Variants in PVT1 observed in about 807,000 individuals in gnomAD.
The protein encoded by PVT1 is Pvt1 oncogene, also known as CXCR4/PVT1 fusion.
chr8:127,964,088 G>T (rs1360829283), intron 3 of PVT1, among the ~76,000 whole-genome samples: 2 of 152,200 alleles, frequency 1.3e-5, no homozygotes, highest in African/African-American at 4.8e-5. Flanking sequence ...CCATGACGAC[G>T]ATGACCCCCA....
chr8:127,814,244 G>A (rs1472394652), intron 2 of PVT1, among the ~76,000 whole-genome samples: 1 of 152,174 alleles, frequency 6.6e-6, no homozygotes, highest in African/African-American at 2.4e-5. Context: ...CAAGAAAAGA[G>A]CTTCTGGGTT....
chr8:128,011,518 C>T (rs1817314803), intron 4 of PVT1, among the ~76,000 whole-genome samples: 1 of 152,094 alleles, frequency 6.6e-6, no homozygotes, highest in African/African-American at 2.4e-5. Context: ...AAGGAGAGGG[C>T]CCTCATCAGA....
chr8:128,006,234 T>C (rs1817246592), intron 4 of PVT1, among the ~76,000 whole-genome samples: 1 of 151,986 alleles, frequency 6.6e-6, no homozygotes, highest in Admixed American at 6.6e-5. Flanking sequence ...TCTCGGAGTC[T>C]GTACCCTAGA....
chr8:127,900,152 C>T (rs1037816073), intron 3 of PVT1, among the ~76,000 whole-genome samples: 2 of 152,156 alleles, frequency 1.3e-5, no homozygotes, highest in African/African-American at 4.8e-5. Flanking sequence ...AGCGATTCTC[C>T]TGCCTCAGCC....
At chr8:128,028,473 A>G (rs1264868604) in intron 4 of PVT1, among the ~76,000 whole-genome samples, 2 of 152,226 alleles carry the variant, frequency 1.3e-5, no homozygotes, top group East Asian at 1.9e-4. Flanking sequence ...GAGAACTGGC[A>G]GCAGGAATAG....
At chr8:128,002,206 G>A (rs886258843) in intron 4 of PVT1, among the ~76,000 whole-genome samples, 9 of 152,266 alleles carry the variant, frequency 5.9e-5, no homozygotes, top group South Asian at 4.1e-4. Context: ...CCCAACAGGC[G>A]CCTGAGTCTC....
chr8:127,815,849 G>T (rs908663726), intron 2 of PVT1, among the ~76,000 whole-genome samples: 4 of 152,188 alleles, frequency 2.6e-5, no homozygotes, highest in Non-Finnish European at 4.4e-5. Flanking sequence ...TGTAAGGCTG[G>T]GTGTGGTGGC....
intron 3 of PVT1, among the ~76,000 whole-genome samples, chr8:127,972,600 G>T (rs1414638384): frequency 2.0e-5 from 3 of 152,062 alleles, no homozygotes; most frequent in African/African-American, 7.2e-5. Context: ...TTAGCTGGGT[G>T]TGGTGGCAGG....
At chr8:128,021,967 G>A (rs1211034913) in intron 4 of PVT1, among the ~76,000 whole-genome samples, 1 of 152,156 alleles carries the variant, frequency 6.6e-6, no homozygotes, top group African/African-American at 2.4e-5. Flanking sequence ...CATGAGAATC[G>A]CTTGAACTCA....
intron 2 of PVT1, among the ~76,000 whole-genome samples, chr8:127,825,117 TAAA>T (rs58377389): frequency 2.5e-5 from 2 of 81,054 alleles, no homozygotes; most frequent in African/African-American, 4.9e-5. Context: ...AAACACTAGC[TAAA>T]AAAAAAAAAA....
At chr8:127,929,199 G>GTT (rs34027484) in intron 3 of PVT1, among the ~76,000 whole-genome samples, 34 of 138,140 alleles carry the variant, frequency 2.5e-4, no homozygotes, top group African/African-American at 7.7e-4. Flanking sequence ...TCATTTTTCT[G>GTT]TTTTTTTTTT....
At chr8:127,836,590 C>T (rs149625257) in intron 2 of PVT1, among the ~76,000 whole-genome samples, 7 of 152,190 alleles carry the variant, frequency 4.6e-5, no homozygotes, top group Middle Eastern at 3.4e-3. Flanking sequence ...CAGAACTGGG[C>T]AGATCCAGAG....
intron 3 of PVT1, among the ~76,000 whole-genome samples, chr8:127,904,807 G>A (rs927586248): frequency 6.6e-6 from 1 of 152,214 alleles, no homozygotes; most frequent in Non-Finnish European, 1.5e-5. Flanking sequence ...GGGGCTCAGT[G>A]CAAAATGAAA....
chr8:127,933,866 G>T (rs559280119), intron 3 of PVT1, among the ~76,000 whole-genome samples: 160 of 152,324 alleles, frequency 1.1e-3, no homozygotes, highest in Non-Finnish European at 1.9e-3. Flanking sequence ...TACATCCTGG[G>T]TTCTTCATCC....
At chr8:127,882,469 C>T (rs1366330147) in intron 2 of PVT1, among the ~76,000 whole-genome samples, 3 of 151,902 alleles carry the variant, frequency 2.0e-5, no homozygotes, top group African/African-American at 7.3e-5. Context: ...GTCTTTTTGG[C>T]ATCAGTTTTG....
chr8:127,830,694 CA>C (rs1240253795), intron 2 of PVT1, among the ~76,000 whole-genome samples: 1 of 151,846 alleles, frequency 6.6e-6, no homozygotes, highest in Non-Finnish European at 1.5e-5. Flanking sequence ...TTGAAGGATG[CA>C]AAGTGTTGTT....
At chr8:128,009,100 G>T in intron 4 of PVT1, 1 of 258,278 alleles carries the variant, frequency 3.9e-6, no homozygotes, top group Non-Finnish European at 8.6e-6. Context: ...AATTTTCATA[G>T]ATTAAAAGCA....
intron 4 of PVT1, among the ~76,000 whole-genome samples, chr8:128,009,341 A>G (rs1817286970): frequency 6.6e-6 from 1 of 152,238 alleles, no homozygotes; most frequent in African/African-American, 2.4e-5. Context: ...TTGCTACAAA[A>G]AAGTCCTATT....
At chr8:128,051,972 G>A (rs1202496342) in intron 4 of PVT1, among the ~76,000 whole-genome samples, 3 of 152,110 alleles carry the variant, frequency 2.0e-5, no homozygotes, top group African/African-American at 7.2e-5. Flanking sequence ...TTGTTTTTTA[G>A]TCATGTTTCC....
Sources: gnomAD v4.1 joint callset for allele counts (sites outside exome capture counted in the v4.1 genomes callset) on GRCh38, gnomAD v4.1.1 for gene constraint, MANE v1.5 for transcripts, NCBI Gene and HGNC (gene_info 2026-07-23, HGNC 2026-07-21) for gene names.